The following SCNN1B variants were observed in gnomAD, a reference collection of about 807,000 sequenced individuals.
SCNN1B encodes the protein epithelial sodium channel subunit beta.
Under a neutral mutation model 65.3 loss-of-function variants are expected in SCNN1B, and 46 were observed. The ratio of observed to expected loss-of-function variants is 0.70; its 90% CI spans 0.56 to 0.90. The LOEUF is 0.90. Among genes scored for constraint, SCNN1B ranks in the 40% least tolerant of loss-of-function variants. The pLI is 0.00. For synonymous variants in SCNN1B, 349 were observed against 330.6 expected (o/e 1.06, Z -0.60); for missense variants, 751 against 830.5 (o/e 0.90, Z 1.18).
At chr16:23,333,496 T>G (rs1567300786) in intron 1 of SCNN1B, among the ~76,000 whole-genome samples, 3 of 152,224 alleles carry the variant, frequency 2.0e-5, no homozygotes. Context: ...TGAATAATTC[T>G]ACACCTTCCA....
At chr16:23,360,197 C>CA (rs1298962932) in intron 4 of SCNN1B, among the ~76,000 whole-genome samples, 43 of 120,020 alleles carry the variant, frequency 3.6e-4, no homozygotes, top group Admixed American at 1.7e-3. Flanking sequence ...GACTCCATCT[C>CA]AAAAAAATAA....
chr16:23,284,769 G>A (rs181934443), intron 2 of SCNN1B, among the ~76,000 whole-genome samples: 1 of 152,330 alleles, frequency 6.6e-6, no homozygotes, highest in Non-Finnish European at 1.5e-5. Context: ...GTAACTTTCA[G>A]CCAATTTCTG....
intron 6 of SCNN1B, 76 bp downstream of exon 6, chr16:23,371,538 G>A (rs2142039448): frequency 7.5e-6 from 11 of 1,465,894 alleles, no homozygotes; most frequent in Non-Finnish European, 1.0e-5. Flanking sequence ...ACTGCCCTTG[G>A]CCTGGGAGGA....
intron 4 of SCNN1B, among the ~76,000 whole-genome samples, chr16:23,356,028 T>C (rs569182805): frequency 6.6e-6 from 1 of 152,254 alleles, no homozygotes; most frequent in South Asian, 2.1e-4. Flanking sequence ...TGTGGGAGGA[T>C]CTGGAGCATA....
chr16:23,299,359 C>T (rs908664974), upstream of SCNN1B, among the ~76,000 whole-genome samples: 8 of 152,042 alleles, frequency 5.3e-5, no homozygotes, highest in Admixed American at 1.3e-4. Context: ...CCCGCCCAGC[C>T]GAAATTGCTA....
chr16:23,361,563 T>G (rs1962554290), intron 4 of SCNN1B, among the ~76,000 whole-genome samples: 2 of 152,256 alleles, frequency 1.3e-5, no homozygotes, highest in South Asian at 4.1e-4. Flanking sequence ...TGACACAGTA[T>G]GGACTCCTGT....
chr16:23,370,047 C>T (rs1243745234), intron 5 of SCNN1B, among the ~76,000 whole-genome samples: 1 of 152,194 alleles, frequency 6.6e-6, no homozygotes, highest in African/African-American at 2.4e-5. Context: ...TCTCCTGCCT[C>T]AGCTTCCCAA....
chr16:23,311,598 A>G (rs981536133), intron 1 of SCNN1B, among the ~76,000 whole-genome samples: 1 of 152,132 alleles, frequency 6.6e-6, no homozygotes, highest in African/African-American at 2.4e-5. Flanking sequence ...CCCAGGAGGG[A>G]TTACCTTTGT....
chr16:23,293,291 C>T (rs1041571395), intron 2 of SCNN1B, among the ~76,000 whole-genome samples: 5 of 151,996 alleles, frequency 3.3e-5, no homozygotes, highest in East Asian at 3.9e-4. Flanking sequence ...AATGGACAAA[C>T]GAAATGTGTG....
chr16:23,365,445 GAAAGAGA>G (rs1379661549), intron 4 of SCNN1B, among the ~76,000 whole-genome samples: 1 of 133,904 alleles, frequency 7.5e-6, no homozygotes, highest in African/African-American at 2.9e-5. Flanking sequence ...AAGAAAGAAA[GAAAGAGA>G]AGGAGAAAGA....
intron 1 of SCNN1B, among the ~76,000 whole-genome samples, chr16:23,332,192 C>G (rs1172720163): frequency 6.6e-6 from 1 of 151,318 alleles, no homozygotes; most frequent in Non-Finnish European, 1.5e-5. Flanking sequence ...TCATGCCCAG[C>G]TCTTTTTTTT....
At chr16:23,372,397 C>T (rs1449693532) in intron 7 of SCNN1B, among the ~76,000 whole-genome samples, 1 of 152,014 alleles carries the variant, frequency 6.6e-6, no homozygotes, top group Non-Finnish European at 1.5e-5. Context: ...TCACAACAAC[C>T]CTAAGATGTA....
chr16:23,323,566 G>A (rs774007510), intron 1 of SCNN1B: 3 of 702,990 alleles, frequency 4.3e-6, no homozygotes, highest in Non-Finnish European at 7.8e-6. Flanking sequence ...GGGGAAACCA[G>A]GGCACAGAGA....
chr16:23,339,135 C>T (rs1391955835), intron 1 of SCNN1B, among the ~76,000 whole-genome samples: 6 of 152,130 alleles, frequency 3.9e-5, no homozygotes, highest in Non-Finnish European at 8.8e-5. Context: ...AGTATGTATT[C>T]TTACGTGTTT....
At chr16:23,299,167 C>T (rs149919611), upstream of SCNN1B, among the ~76,000 whole-genome samples, 5,164 of 149,628 alleles carry the variant, frequency 0.035, 279 homozygotes, top group African/African-American at 0.12. Flanking sequence ...TCAAGTGATT[C>T]TCCCACCTCA....
At chr16:23,305,548 A>ATATAT (rs1961184414) in intron 1 of SCNN1B, among the ~76,000 whole-genome samples, 1 of 35,238 alleles carries the variant, frequency 2.8e-5, no homozygotes, top group African/African-American at 3.8e-4. Context: ...ATATATATAT[A>ATATAT]TATATATATA....
chr16:23,303,930 A>G (rs1484191622), intron 1 of SCNN1B: 2 of 741,612 alleles, frequency 2.7e-6, no homozygotes, highest in East Asian at 2.7e-5. Flanking sequence ...GAAAAATAGA[A>G]CTAGAAGTAG....
intron 1 of SCNN1B, among the ~76,000 whole-genome samples, chr16:23,279,906 A>G (rs1439292103): frequency 6.6e-6 from 1 of 152,204 alleles, no homozygotes; most frequent in Non-Finnish European, 1.5e-5. Flanking sequence ...TTGTGTATTC[A>G]GTAAAGATGC....
intron 2 of SCNN1B, among the ~76,000 whole-genome samples, chr16:23,290,112 T>C (rs2141970080): frequency 6.6e-6 from 1 of 152,318 alleles, no homozygotes; most frequent in East Asian, 1.9e-4. Flanking sequence ...TCTCCGTTTT[T>C]TTCCCCTATA....
Sources: gnomAD v4.1 joint callset for allele counts (sites outside exome capture counted in the v4.1 genomes callset) on GRCh38, gnomAD v4.1.1 for gene constraint, MANE v1.5 for transcripts, NCBI Gene and HGNC (gene_info 2026-07-23, HGNC 2026-07-21) for gene names.